Variants in DSCC1 observed in about 807,000 individuals in gnomAD.
The protein encoded by DSCC1 is DNA replication and sister chromatid cohesion 1, also known as sister chromatid cohesion protein DCC1.
Under a neutral mutation model 48.2 loss-of-function variants are expected in DSCC1, and 32 were observed. The ratio of observed to expected loss-of-function variants is 0.66; its 90% CI spans 0.50 to 0.89. The LOEUF is 0.89. Ranked by LOEUF, DSCC1 falls within the 40% of genes least tolerant of loss-of-function variation. The pLI is 0.00. For synonymous variants in DSCC1, 150 were observed against 171.5 expected (o/e 0.87, Z 0.98); for missense variants, 421 against 471.7 (o/e 0.89, Z 1.00).
chr8:119,834,821 T>G lies in DSCC1; in HGVS notation c.*72A>C. ...GGTTTCTAAAAGTCAGAAATAAAAG[T>G]ACAAGTTATTTTTCTTCTATCCAGC... On this transcript the variant is annotated 3_prime_UTR_variant, in exon 9 of 9. Coordinates refer to ENST00000313655, the MANE Select transcript of DSCC1 (RefSeq NM_024094.3). The G allele has an allele frequency of 9.7e-7, 1 of 1,025,710 alleles. No homozygotes were observed. Among genetic ancestry groups the G allele is most frequent in the Non-Finnish European group, 1.5e-6 (1 of 667,954 alleles). 63.5% of individuals were successfully genotyped at this position (1,025,710 alleles called of 1,614,324 possible).
At chr8:119,846,873 C>G in intron 4 of DSCC1, 117 bp downstream of exon 4, 5 of 1,028,332 alleles carry the variant, frequency 4.9e-6, no homozygotes, top group Non-Finnish European at 4.3e-6. Flanking sequence ...TGACACCATC[C>G]TTAAACCCAA....
intron 3 of DSCC1, among the ~76,000 whole-genome samples, chr8:119,849,873 T>TAAATTAA (rs1826919416): frequency 6.6e-6 from 1 of 152,206 alleles, no homozygotes; most frequent in Non-Finnish European, 1.5e-5. Flanking sequence ...CTGTAATTTT[T>TAAATTAA]AAATTAAAAA....
At chr8:119,847,108 C>T in intron 3 of DSCC1, 28 bp from the exon 4 acceptor site, 2 of 1,581,576 alleles carry the variant, frequency 1.3e-6, no homozygotes, top group Non-Finnish European at 1.7e-6. Flanking sequence ...TATTTTAAGG[C>T]CTTTGAAGAA....
intron 7 of DSCC1, chr8:119,838,710 G>A (rs796233410): frequency 3.2e-5 from 7 of 221,146 alleles, no homozygotes; most frequent in African/African-American, 1.4e-4. Context: ...TGGATTCATC[G>A]TGTTAGCCCT....
intron 7 of DSCC1, chr8:119,839,233 C>A (rs1344246906): frequency 6.6e-6 from 1 of 152,066 alleles, no homozygotes; most frequent in Non-Finnish European, 1.5e-5. Flanking sequence ...CACTTACTTG[C>A]TAATGACTAT....
chr8:119,847,350 AT>A (rs1826871891), intron 3 of DSCC1, among the ~76,000 whole-genome samples: 1 of 152,242 alleles, frequency 6.6e-6, no homozygotes, highest in Non-Finnish European at 1.5e-5. Flanking sequence ...AAGTAGATCA[AT>A]TGGACATCAT....
Position 119,841,784 on chromosome 8 carries a change from T to C in DSCC1, c.924+10A>G, listed in dbSNP as rs1355115796. 5.6e-6 allele frequency: 9 copies of C among 1,609,878 alleles called. No homozygotes were observed. The highest frequency in any genetic ancestry group is 2.7e-5 in the African/African-American group (2 of 74,960). On this transcript the variant is annotated intron_variant, in intron 7 of 8. Coordinates refer to ENST00000313655, the MANE Select transcript of DSCC1 (RefSeq NM_024094.3). Reference sequence around the variant, plus strand: ...TGTTGAAGTAAGGTGGCAATGTCTATTGCTATTACCTTAAGCTGATCAAGA... The same window carrying C: ...TGTTGAAGTAAGGTGGCAATGTCTACTGCTATTACCTTAAGCTGATCAAGA...
chr8:119,837,907 T>C (rs1003831279), intron 8 of DSCC1, among the ~76,000 whole-genome samples: 1 of 152,122 alleles, frequency 6.6e-6, no homozygotes, highest in Non-Finnish European at 1.5e-5. Context: ...CAATCTGGCC[T>C]CTCCCAAAAT....
chr8:119,843,516 AT>A (rs1446115251), intron 5 of DSCC1, 92 bp downstream of exon 5: 6 of 1,442,318 alleles, frequency 4.2e-6, no homozygotes, highest in Admixed American at 4.7e-5. Flanking sequence ...AAATACAATG[AT>A]TGTAGTTTAT....
rs976217607 is a variant in DSCC1, at chr8:119,834,931, C to T, written c.1144G>A (p.Gly382Ser). Residue 382 changes from glycine to serine, a missense_variant, in exon 9 of 9, where the codon GGT becomes AGT. Coordinates refer to ENST00000313655, the MANE Select transcript of DSCC1 (RefSeq NM_024094.3). The stretch of plus-strand genomic sequence containing the variant: ...CTTCTCGAATTATAAACTTTAACAC[C>T]ATTTTGCATCGAAGAATGAGAATAT... ...TKYSHSSMQNGVKVYNSRRPI... is the reference protein window; with the variant it reads ...TKYSHSSMQNSVKVYNSRRPI... 4 of 1,610,948 alleles carry T rather than the reference C, an allele frequency of 2.5e-6. No individual in the cohort carries two copies. The highest frequency in any genetic ancestry group is 3.4e-6 in the Non-Finnish European group (4 of 1,178,118).
intron 3 of DSCC1, among the ~76,000 whole-genome samples, chr8:119,847,818 A>G (rs771714305): frequency 2.0e-5 from 3 of 151,872 alleles, no homozygotes; most frequent in Non-Finnish European, 4.4e-5. Flanking sequence ...GGCATGCGCC[A>G]CCACACCTGG....
intron 1 of DSCC1, 129 bp downstream of exon 1, chr8:119,855,485 G>A (rs1827003192): frequency 3.1e-6 from 4 of 1,303,744 alleles, no homozygotes; most frequent in African/African-American, 3.1e-5. Flanking sequence ...CTCGGGAACA[G>A]GCAGCTTGCT....
chr8:119,855,644 G>A lies in DSCC1; in HGVS notation c.152C>T (p.Thr51Met). 6.5e-7 allele frequency: 1 copy of A among 1,546,568 alleles called. No individual in the cohort carries two copies. Among genetic ancestry groups the A allele is most frequent in the South Asian group, 1.2e-5 (1 of 84,006 alleles). Residue 51 changes from threonine to methionine, a missense_variant, in exon 1 of 9, where the codon ACG (threonine) becomes ATG (methionine). By Grantham distance (81) the Thr-to-Met change is moderately conservative (BLOSUM62 -1). Around this residue, in one of 3 missense-constraint regions of DSCC1, gnomAD observed 174 missense variants for 184.5 expected, o/e 0.94. Transcript: ENST00000313655. ...GDFCLLELEP[T>M]LCQQLEDGHS... ...TCCATCCTCCAGCTGCTGGCACAGCGTGGGCTCCAGCTCCAGCAGGCAGAA... is the reference window on the plus strand; with the variant it reads ...TCCATCCTCCAGCTGCTGGCACAGCATGGGCTCCAGCTCCAGCAGGCAGAA...
At chr8:119,852,600 A>C (rs62526622) in intron 2 of DSCC1, among the ~76,000 whole-genome samples, 29,406 of 151,934 alleles carry the variant, frequency 0.19, 3,270 homozygotes, top group Middle Eastern at 0.32. Context: ...GACAATCGGC[A>C]CACCTTGGCC....
At chr8:119,842,155 C>T (rs1826781793) in intron 6 of DSCC1, among the ~76,000 whole-genome samples, 1 of 151,996 alleles carries the variant, frequency 6.6e-6, no homozygotes, top group South Asian at 2.1e-4. Flanking sequence ...CTCATTGCAG[C>T]CTCCACCTCT....
intron 2 of DSCC1, among the ~76,000 whole-genome samples, chr8:119,852,590 G>T (rs907207270): frequency 3.3e-5 from 5 of 152,050 alleles, no homozygotes; most frequent in Non-Finnish European, 7.4e-5. Context: ...CCTGAGGTCC[G>T]ACAATCGGCA....
At chr8:119,851,103 A>C (rs987392623) in intron 2 of DSCC1, among the ~76,000 whole-genome samples, 1 of 152,244 alleles carries the variant, frequency 6.6e-6, no homozygotes, top group Non-Finnish European at 1.5e-5. Flanking sequence ...AAGAGGCTAG[A>C]GAATGGATGA....
chr8:119,836,142 G>A (rs1020688607), intron 8 of DSCC1, among the ~76,000 whole-genome samples: 2 of 152,168 alleles, frequency 1.3e-5, no homozygotes, highest in Non-Finnish European at 2.9e-5. Flanking sequence ...GTGAAACCCT[G>A]TCTCTACTAA....
chr8:119,850,872 A>G (rs192683208), intron 2 of DSCC1, among the ~76,000 whole-genome samples: 5 of 152,268 alleles, frequency 3.3e-5, no homozygotes, highest in Non-Finnish European at 7.3e-5. Flanking sequence ...GCAAAAAACA[A>G]ACAAACAAAC....
Sources: gnomAD v4.1 joint callset for allele counts (sites outside exome capture counted in the v4.1 genomes callset) on GRCh38, gnomAD v4.1.1 for gene constraint, gnomAD v4.1.1 regional missense constraint, MANE v1.5 for transcripts, NCBI Gene and HGNC (gene_info 2026-07-23, HGNC 2026-07-21) for gene names.